CYFIP2: variants seen among roughly 807,000 people sequenced by gnomAD.
CYFIP2 encodes cytoplasmic FMR1-interacting protein 2.
CYFIP2 carries 29 observed loss-of-function variants against 158.7 expected under a neutral mutation model. The ratio of observed to expected loss-of-function variants is 0.18; its 90% CI spans 0.14 to 0.25. The LOEUF (loss-of-function observed/expected upper bound fraction) is 0.25, where lower values mean the gene tolerates loss of function less well. CYFIP2 is among the 10% of genes least tolerant of loss of function. The probability of loss-of-function intolerance (pLI) is 1.00; values close to 1 mark genes in which losing one functional copy is unlikely to be tolerated. For missense variants in CYFIP2, 852 were observed against 1,639.5 expected (o/e 0.52, Z 8.29); for synonymous variants, 585 against 617.6 (o/e 0.95, Z 0.78).
At chr5:157,299,336 C>T (rs745396462) in intron 5 of CYFIP2, among the ~76,000 whole-genome samples, 2 of 152,164 alleles carry the variant, frequency 1.3e-5, no homozygotes, top group South Asian at 2.1e-4. Context: ...GTACTCGCTC[C>T]GCTTCAGCCA....
intron 7 of CYFIP2, 98 bp from the exon 8 acceptor site, chr5:157,304,140 C>A: frequency 7.0e-7 from 1 of 1,434,074 alleles, no homozygotes. Flanking sequence ...TGGCCATCAG[C>A]GGGGACCACA....
chr5:157,339,327 G>A (rs1762081466), intron 22 of CYFIP2, 71 bp downstream of exon 22: 1 of 1,395,282 alleles, frequency 7.2e-7, no homozygotes, highest in Admixed American at 1.7e-5. Context: ...CTCCAAACTA[G>A]GCCCAGTACA....
rs772707213 is a variant in CYFIP2, at chr5:157,343,505, G to A, written c.2673+2348G>A. On this transcript the variant is annotated intron_variant, in intron 23 of 30. Transcript: ENST00000620254. Reference sequence around the variant, plus strand: ...GGACGACCAGGAGATGATGGCTCCTGTATAAGAAATGTTCCCCACCTCGAT... The same window carrying A: ...GGACGACCAGGAGATGATGGCTCCTATATAAGAAATGTTCCCCACCTCGAT... 1.0e-5 allele frequency: 16 copies of A among 1,585,050 alleles called. No homozygotes were observed. The highest frequency in any genetic ancestry group is 8.1e-5 in the African/African-American group (6 of 74,186).
intron 28 of CYFIP2, among the ~76,000 whole-genome samples, chr5:157,385,941 T>G (rs374497475): frequency 4.6e-5 from 7 of 152,026 alleles, no homozygotes; most frequent in African/African-American, 7.3e-5. Context: ...ATAAAAGCTA[T>G]GTTAAACACT....
chr5:157,272,942 C>A (rs1756229257), intron 1 of CYFIP2, among the ~76,000 whole-genome samples: 1 of 152,214 alleles, frequency 6.6e-6, no homozygotes, highest in Admixed American at 6.5e-5. Flanking sequence ...TCTCAGCTCA[C>A]TGCAACCTCT....
intron 24 of CYFIP2, among the ~76,000 whole-genome samples, chr5:157,359,382 CCA>C (rs1763642399): frequency 2.0e-5 from 3 of 152,138 alleles, no homozygotes; most frequent in African/African-American, 7.2e-5. Context: ...TTTCTGACCC[CCA>C]GACTCCTTGT....
intron 8 of CYFIP2, among the ~76,000 whole-genome samples, chr5:157,305,421 T>A (rs1759131813): frequency 1.3e-5 from 2 of 152,242 alleles, no homozygotes; most frequent in South Asian, 4.1e-4. Flanking sequence ...TCCAGAATTG[T>A]CATATGTATT....
intron 28 of CYFIP2, among the ~76,000 whole-genome samples, chr5:157,383,847 A>T (rs1179035556): frequency 6.6e-6 from 1 of 152,270 alleles, no homozygotes; most frequent in East Asian, 1.9e-4. Context: ...CATATCACGT[A>T]TGTACTTAAT....
At position 157,314,394 on chromosome 5, in the gene CYFIP2, C is replaced by G; in HGVS notation, c.1161C>G (p.Arg387=). 2 of 1,613,886 alleles carry G rather than the reference C, an allele frequency of 1.2e-6. No individual in the cohort carries two copies. Among genetic ancestry groups the G allele is most frequent in the South Asian group, 1.1e-5 (1 of 91,076 alleles). Residue 387 remains arginine (R), a synonymous_variant, in exon 12 of 31, where the codon CGC becomes CGG. Coordinates refer to ENST00000620254, the MANE Select transcript of CYFIP2 (RefSeq NM_001037333.3). ...LDSQKSDEEY[R]ELFDLALRGL... is the part of the protein sequence containing the mutation. Reference sequence around the variant, plus strand: ...GCCAGAAGTCAGACGAGGAGTATCGCGAGCTCTTCGACCTAGCCCTGCGGG... The same window carrying G: ...GCCAGAAGTCAGACGAGGAGTATCGGGAGCTCTTCGACCTAGCCCTGCGGG...
intron 4 of CYFIP2, among the ~76,000 whole-genome samples, chr5:157,296,065 G>A (rs914741150): frequency 1.3e-5 from 2 of 152,226 alleles, no homozygotes; most frequent in African/African-American, 4.8e-5. Flanking sequence ...GGGAGAGCTT[G>A]CAGATAAATG....
intron 26 of CYFIP2, among the ~76,000 whole-genome samples, chr5:157,381,529 C>CAA (rs1281249714): frequency 0.027 from 2,821 of 102,750 alleles, 110 homozygotes; most frequent in African/African-American, 0.068. Flanking sequence ...CTCCGTTTCA[C>CAA]AAAAAAAAAA....
At position 157,304,276 on chromosome 5, in the gene CYFIP2, G is replaced by A. The variant is rs760460908; in HGVS notation, c.705G>A (p.Glu235=). The A allele has an allele frequency of 9.9e-6, 16 of 1,613,690 alleles. No homozygotes were observed. The highest frequency in any genetic ancestry group is 1.3e-5 in the Non-Finnish European group (15 of 1,179,886). Residue 235 remains glutamate, a synonymous_variant, in exon 8 of 31, where the codon GAG becomes GAA. Transcript: ENST00000620254. ...AACTTGAAGTGATCCCAGGCTATGAGGAGCTGCTGGCTGACATTGTCAACA... is the reference window on the plus strand; with the variant it reads ...AACTTGAAGTGATCCCAGGCTATGAAGAGCTGCTGGCTGACATTGTCAACA... ...HQQLEVIPGY[E]ELLADIVNIC... is the part of the protein sequence containing the mutation.
chr5:157,342,849 C>T (rs765245315), intron 23 of CYFIP2: 1 of 1,601,286 alleles, frequency 6.2e-7, no homozygotes, highest in Admixed American at 1.7e-5. Context: ...TGCGGGCGCT[C>T]TCCTCCCCAC....
intron 22 of CYFIP2, among the ~76,000 whole-genome samples, chr5:157,339,831 A>C (rs757169250): frequency 1.5e-4 from 23 of 152,234 alleles, no homozygotes; most frequent in Non-Finnish European, 3.1e-4. Flanking sequence ...ACAAGTTTCT[A>C]AGGGTTTCTC....
chr5:157,275,012 C>T (rs547197127), intron 1 of CYFIP2, among the ~76,000 whole-genome samples: 14 of 152,116 alleles, frequency 9.2e-5, no homozygotes, highest in Admixed American at 7.9e-4. Context: ...CTGGCTTAAG[C>T]GATTCTCCCA....
At chr5:157,319,491 G>T (rs1054494281) in intron 13 of CYFIP2, among the ~76,000 whole-genome samples, 4 of 152,236 alleles carry the variant, frequency 2.6e-5, no homozygotes, top group Non-Finnish European at 5.9e-5. Flanking sequence ...CTCATGCGAG[G>T]ATGAAAATCA....
At chr5:157,323,795 G>A in intron 15 of CYFIP2, 126 bp from the exon 16 acceptor site, 2 of 1,175,520 alleles carry the variant, frequency 1.7e-6, no homozygotes, top group Non-Finnish European at 2.3e-6. Flanking sequence ...TGCTTCCTTA[G>A]GACAGTGCTT....
At chr5:157,343,467 G>C (rs371594736) in intron 23 of CYFIP2, 2 of 1,609,248 alleles carry the variant, frequency 1.2e-6, no homozygotes, top group African/African-American at 2.7e-5. Context: ...TAGTCCTCCA[G>C]GCAGGGCTCC....
At chr5:157,284,017 C>G (rs1162504991) in intron 1 of CYFIP2, among the ~76,000 whole-genome samples, 1 of 152,084 alleles carries the variant, frequency 6.6e-6, no homozygotes, top group Non-Finnish European at 1.5e-5. Context: ...CTCTTTGTGT[C>G]CCTCTTAATC....
Sources: allele counts gnomAD v4.1 joint callset (sites outside exome capture counted in the v4.1 genomes callset), GRCh38; gene constraint gnomAD v4.1.1; transcripts MANE v1.5; gene names NCBI Gene and HGNC (gene_info 2026-07-23, HGNC 2026-07-21).